POLN: variants seen among roughly 807,000 people sequenced by gnomAD.
POLN encodes DNA polymerase N.
In POLN, 108 loss-of-function variants were observed where a neutral mutation model predicts 113.5. That is an observed-to-expected ratio of 0.95 (90% CI 0.81 to 1.12). POLN has a LOEUF of 1.12. Ranked by LOEUF, POLN falls within the 50% of genes most tolerant of loss-of-function variation. POLN has a pLI of 0.00. For synonymous variants in POLN, 386 were observed against 391.5 expected, an observed-to-expected ratio of 0.99 and a Z score of 0.17; for missense variants, 1,097 against 1,077.1, an observed-to-expected ratio of 1.02 and a Z score of -0.26.
At chr4:2,193,358 G>A in intron 6 of POLN, 42 bp from the exon 7 acceptor site, 1 of 1,413,590 alleles carries the variant, frequency 7.1e-7, no homozygotes. Context: ...ACATTAATTT[G>A]GGATTTTCGA....
chr4:2,198,142 G>A lies in POLN; in HGVS notation c.908+382C>T, dbSNP rs752454218. On this transcript the variant is annotated intron_variant, in intron 6 of 25. Transcript: ENST00000511885. ...TGGTATTAAGGACAATTTATTGTTT[G>A]CAGGCAGTGATAACTTTGTTTTCTA... Among the ~76,000 whole-genome samples, 4 of 152,212 alleles carry A rather than the reference G, an allele frequency of 2.6e-5. No homozygotes were observed. In the East Asian group the frequency reaches 7.7e-4, roughly 29 times the overall value.
At chr4:2,181,700 C>T (rs1249728704) in intron 7 of POLN, among the ~76,000 whole-genome samples, 3 of 151,922 alleles carry the variant, frequency 2.0e-5, no homozygotes, top group East Asian at 1.9e-4. Flanking sequence ...GACTTTAGGC[C>T]GGGCATGGTG....
chr4:2,081,400 G>T, intron 22 of POLN: 1 of 622,364 alleles, frequency 1.6e-6, no homozygotes, highest in Non-Finnish European at 2.8e-6. Flanking sequence ...TACTGCCTGG[G>T]CCCAGTTCTT....
At chr4:2,202,125 A>G (rs1278961923) in intron 5 of POLN, among the ~76,000 whole-genome samples, 1 of 152,184 alleles carries the variant, frequency 6.6e-6, no homozygotes, top group African/African-American at 2.4e-5. Context: ...TAAAAAAACA[A>G]AACAAAACAA....
In POLN at chr4:2,089,403, G is replaced by C. The variant is rs774190718; in HGVS notation, c.2066-3659C>G. On this transcript the variant is annotated intron_variant, in intron 20 of 25. Coordinates refer to ENST00000511885, the MANE Select transcript of POLN (RefSeq NM_181808.4). ...ATCCCAAACTTAGATCTGTGAAACT[G>C]ACAGATGACTGGTTACAAAGGTCAG... The C allele has an allele frequency of 3.5e-4, 479 of 1,368,530 alleles. 3 individuals carry two copies. The highest frequency in any genetic ancestry group is 1.3e-3 in the Admixed American group (56 of 43,824). The allele number at this position is 1,368,530 out of a possible 1,614,324, so 84.8% of individuals were successfully genotyped here.
intron 3 of POLN, among the ~76,000 whole-genome samples, chr4:2,219,436 G>C (rs1310285352): frequency 6.6e-6 from 1 of 152,168 alleles, no homozygotes; most frequent in East Asian, 1.9e-4. Flanking sequence ...CCTTCAGTCA[G>C]TTGGTTCCAG....
chr4:2,150,229 T>C (rs1732258830), intron 16 of POLN, among the ~76,000 whole-genome samples: 1 of 152,178 alleles, frequency 6.6e-6, no homozygotes. Context: ...AGTGGTTATT[T>C]AACATTAATA....
intron 7 of POLN, among the ~76,000 whole-genome samples, chr4:2,189,071 T>C (rs1733367539): frequency 6.6e-6 from 1 of 152,142 alleles, no homozygotes; most frequent in Non-Finnish European, 1.5e-5. Flanking sequence ...AGCAAAAACC[T>C]ATAATAAATA....
At chr4:2,135,488 T>C (rs1235931188) in intron 16 of POLN, among the ~76,000 whole-genome samples, 1 of 152,224 alleles carries the variant, frequency 6.6e-6, no homozygotes, top group Non-Finnish European at 1.5e-5. Context: ...TGCGCTTCTC[T>C]ATGGGCCTCT....
chr4:2,137,049 G>C (rs528206301), intron 16 of POLN, among the ~76,000 whole-genome samples: 1 of 152,240 alleles, frequency 6.6e-6, no homozygotes, highest in Non-Finnish European at 1.5e-5. Context: ...ACAGCCTCCC[G>C]GGGCAGGGCC....
At chr4:2,238,530 T>A (rs1300785650) in intron 2 of POLN, 2 of 975,250 alleles carry the variant, frequency 2.1e-6, no homozygotes, top group East Asian at 5.5e-5. Context: ...TCCAAAATTT[T>A]AGCTCAAACT....
intron 19 of POLN, among the ~76,000 whole-genome samples, chr4:2,124,788 C>T (rs1317061074): frequency 2.6e-5 from 4 of 152,088 alleles, no homozygotes; most frequent in Non-Finnish European, 4.4e-5. Context: ...GTGGGGTCCT[C>T]GTTGCTGTTG....
Position 2,127,900 on chromosome 4 carries a change from T to TC in POLN, c.1982+212dup, listed in dbSNP as rs1731623997. ...CTATTACATTCTCTAGGAATGGACT[T>TC]CTTTTTTTTAGTGGGGAAGAACCAT... is the stretch of plus-strand genomic sequence containing the variant. On this transcript the variant is annotated intron_variant, in intron 19 of 25. Coordinates refer to ENST00000511885, the MANE Select transcript of POLN (RefSeq NM_181808.4). The surrounding 1 kb of genome is among the most constrained non-coding windows in gnomAD (Gnocchi z 4.7). Among the ~76,000 whole-genome samples the TC allele has an allele frequency of 2.0e-5, 3 of 152,262 alleles. No homozygotes were observed. The South Asian group carries it at 6.2e-4, about 31-fold the overall frequency.
At chr4:2,140,592 C>T (rs1731974693) in intron 16 of POLN, among the ~76,000 whole-genome samples, 2 of 152,008 alleles carry the variant, frequency 1.3e-5, no homozygotes, top group Admixed American at 6.6e-5. Context: ...ACTAAAAATA[C>T]AAAAATTAGC....
intron 19 of POLN, among the ~76,000 whole-genome samples, chr4:2,109,355 A>G (rs1482576597): frequency 6.6e-6 from 1 of 152,238 alleles, no homozygotes; most frequent in Non-Finnish European, 1.5e-5. Context: ...TGAAATCAGC[A>G]ACATAAATTG....
chr4:2,181,659 G>A (rs1034677819), intron 7 of POLN, among the ~76,000 whole-genome samples: 2 of 151,898 alleles, frequency 1.3e-5, no homozygotes, highest in Non-Finnish European at 2.9e-5. Context: ...GAAAACAAAC[G>A]AACACAGCAC....
intron 5 of POLN, among the ~76,000 whole-genome samples, chr4:2,205,157 T>C (rs1733813338): frequency 6.6e-6 from 1 of 152,206 alleles, no homozygotes; most frequent in Admixed American, 6.5e-5. Context: ...CTGTCACTAT[T>C]TGCTGATTAT....
At chr4:2,189,377 C>T (rs1020108832) in intron 7 of POLN, among the ~76,000 whole-genome samples, 12 of 152,352 alleles carry the variant, frequency 7.9e-5, no homozygotes, top group African/African-American at 2.2e-4. Context: ...CAGTGGCTCA[C>T]GCCTGTAATC....
rs530282557 is a variant in POLN, at chr4:2,123,816, A to G, written c.1982+4297T>C. ...TGTAACCTTGTCTCAAAAAAAAACCAAAACCGAAGCCAAAACCAAAACCAA... is the reference window on the plus strand; with the variant it reads ...TGTAACCTTGTCTCAAAAAAAAACCGAAACCGAAGCCAAAACCAAAACCAA... On this transcript the variant is annotated intron_variant, in intron 19 of 25. Coordinates refer to ENST00000511885, the MANE Select transcript of POLN (RefSeq NM_181808.4). 3.3e-5 allele frequency among the ~76,000 whole-genome samples: 5 copies of G among 151,930 alleles called. 1 individual carries two copies. The South Asian group carries it at 1.0e-3, about 32-fold the overall frequency.
Sources: allele counts gnomAD v4.1 joint callset (sites outside exome capture counted in the v4.1 genomes callset), GRCh38; gene constraint gnomAD v4.1.1; non-coding constraint Gnocchi (gnomAD v3.1); transcripts MANE v1.5; gene names NCBI Gene and HGNC (gene_info 2026-07-23, HGNC 2026-07-21).